The following LYN variants were observed in gnomAD, a reference collection of about 807,000 sequenced individuals.
LYN encodes the protein tyrosine-protein kinase Lyn.
In LYN, 12 loss-of-function variants were observed where a neutral mutation model predicts 65.0. That is an observed-to-expected ratio of 0.18 (90% CI 0.12 to 0.30). LYN has a LOEUF of 0.30. Among genes scored for constraint, LYN ranks in the 10% least tolerant of loss-of-function variants. LYN has a pLI of 1.00. For missense variants in LYN, 380 were observed against 623.2 expected (o/e 0.61, Z 4.16); for synonymous variants, 222 against 221.2 (o/e 1.00, Z -0.03).
At chr8:55,894,899 A>G (rs1486559294) in intron 1 of LYN, among the ~76,000 whole-genome samples, 5 of 151,874 alleles carry the variant, frequency 3.3e-5, no homozygotes, top group African/African-American at 1.2e-4. Context: ...GGCTGGTTTC[A>G]ATCTCCTGTG....
rs181131260 is a variant in LYN, at chr8:55,929,745, T to C, written c.-5-12110T>C. On this transcript the variant is annotated intron_variant, in intron 1 of 12. Coordinates refer to ENST00000519728, the MANE Select transcript of LYN (RefSeq NM_002350.4). The stretch of plus-strand genomic sequence containing the variant: ...AAGTATCCTACAATACACAGAACTG[T>C]CCTCTAGAACAAATAATTTTCTGGC... Among the ~76,000 whole-genome samples, 31 of 152,308 alleles carry C rather than the reference T, an allele frequency of 2.0e-4. No homozygotes were observed. The East Asian group carries it at 5.8e-3, about 28-fold the overall frequency.
At chr8:55,986,755 C>G (rs1461733653) in intron 10 of LYN, among the ~76,000 whole-genome samples, 3 of 152,148 alleles carry the variant, frequency 2.0e-5, no homozygotes, top group Non-Finnish European at 4.4e-5. Context: ...GACAGGATCT[C>G]TTTCTGTTGT....
chr8:55,990,195 T>C (rs928515960), intron 10 of LYN, among the ~76,000 whole-genome samples: 5 of 132,110 alleles, frequency 3.8e-5, no homozygotes, highest in African/African-American at 1.5e-4. Context: ...GCTGAGACTG[T>C]GCCACTGCAC....
intron 10 of LYN, among the ~76,000 whole-genome samples, chr8:55,971,516 G>C (rs750950688): frequency 3.9e-5 from 6 of 152,230 alleles, no homozygotes; most frequent in Non-Finnish European, 7.3e-5. Flanking sequence ...ACTTGTACAG[G>C]GCTATGGAAC....
chr8:55,889,228 A>G (rs73604850), intron 1 of LYN, among the ~76,000 whole-genome samples: 10,701 of 152,204 alleles, frequency 0.07, 1,258 homozygotes, highest in African/African-American at 0.24. Flanking sequence ...ATTTGAGCTC[A>G]GGAGTTTGAG....
chr8:55,890,089 CAA>C (rs1804909058), intron 1 of LYN, among the ~76,000 whole-genome samples: 1 of 71,062 alleles, frequency 1.4e-5, no homozygotes, highest in South Asian at 4.5e-4. Flanking sequence ...CCAGCCTGGG[CAA>C]TAAAGTGAGA....
chr8:55,959,748 G>C (rs2668019), intron 8 of LYN, among the ~76,000 whole-genome samples: 49,636 of 151,860 alleles, frequency 0.33, 8,507 homozygotes, highest in African/African-American at 0.44. Flanking sequence ...ACAAACAACT[G>C]AAATGTCCAT....
At position 55,938,464 on chromosome 8, in the gene LYN, C is replaced by T. The variant is rs534897792; in HGVS notation, c.-5-3391C>T. ...GGAATTCCTGTTGGGGACACACATT[C>T]CCATCAGGAACCTGGTCTGCTTCCT... On this transcript the variant is annotated intron_variant, in intron 1 of 12. Transcript: ENST00000519728. Among the ~76,000 whole-genome samples, 8 of 152,334 alleles carry T rather than the reference C, an allele frequency of 5.3e-5. No homozygotes were observed. The South Asian group carries it at 1.2e-3, about 24-fold the overall frequency.
At chr8:55,915,485 AC>A (rs1805755950) in intron 1 of LYN, among the ~76,000 whole-genome samples, 1 of 152,172 alleles carries the variant, frequency 6.6e-6, no homozygotes, top group Non-Finnish European at 1.5e-5. Flanking sequence ...CAGGCGGATC[AC>A]CTGAGGTCAG....
At position 55,953,945 on chromosome 8, in the gene LYN, A is replaced by C. The variant is rs143856948; in HGVS notation, c.751A>C (p.Lys251Gln). 18 of 1,614,144 alleles carry C rather than the reference A, an allele frequency of 1.1e-5. No homozygotes were observed. The African/African-American group carries it at 2.3e-4, about 20-fold the overall frequency. ...EIPRESIKLV[K>Q]RLGAGQFGEV... Reference sequence around the variant, plus strand: ...CCCCCGGGAGTCCATCAAGTTGGTGAAAAGGCTTGGCGCTGGGCAGTTTGG... The same window carrying C: ...CCCCCGGGAGTCCATCAAGTTGGTGCAAAGGCTTGGCGCTGGGCAGTTTGG... Residue 251 changes from lysine to glutamine, a missense_variant, in exon 8 of 13, where the codon AAA (lysine) becomes CAA (glutamine). Around this residue, in one of 2 missense-constraint regions of LYN, gnomAD observed 223 missense variants for 430.0 expected, o/e 0.52. Transcript: ENST00000519728.
rs1418394350 is a variant in LYN at position 56,011,367 on chromosome 8, C to T, written c.*1257C>T. 1 of 216,110 alleles carries T rather than the reference C, an allele frequency of 4.6e-6. No individual in the cohort carries two copies. Among genetic ancestry groups the T allele is most frequent in the Non-Finnish European group, 9.3e-6 (1 of 107,456 alleles). The allele number at this position is 216,110 out of a possible 1,614,324, so 13.4% of individuals were successfully genotyped here. On this transcript the variant is annotated 3_prime_UTR_variant, in exon 13 of 13. Coordinates refer to ENST00000519728, the MANE Select transcript of LYN (RefSeq NM_002350.4). The stretch of plus-strand genomic sequence containing the variant: ...CTATTTTTGATTTTATTTTAATACA[C>T]CTCGTCCAATAACATCTCAAGCTTT...
At chr8:55,941,613 C>A (rs16922459) in intron 1 of LYN, among the ~76,000 whole-genome samples, 1 of 151,992 alleles carries the variant, frequency 6.6e-6, no homozygotes, top group Non-Finnish European at 1.5e-5. Context: ...CACAAGAATA[C>A]GAGCAGAGTT....
intron 1 of LYN, among the ~76,000 whole-genome samples, chr8:55,919,615 C>T (rs1388666010): frequency 6.6e-6 from 1 of 152,036 alleles, no homozygotes; most frequent in African/African-American, 2.4e-5. Flanking sequence ...AAAAACACAC[C>T]CACAAAAAGA....
At chr8:55,915,038 G>A (rs897584041) in intron 1 of LYN, among the ~76,000 whole-genome samples, 4 of 152,288 alleles carry the variant, frequency 2.6e-5, no homozygotes, top group South Asian at 2.1e-4. Flanking sequence ...AGATTAAAAC[G>A]TTACATTTTA....
chr8:55,909,308 T>C (rs72651474), intron 1 of LYN, among the ~76,000 whole-genome samples: 18,319 of 151,928 alleles, frequency 0.12, 1,507 homozygotes, highest in Middle Eastern at 0.28. Context: ...AGTCCTGGCA[T>C]TGGGGAGAGT....
intron 1 of LYN, among the ~76,000 whole-genome samples, chr8:55,895,107 T>C (rs571514973): frequency 5.3e-4 from 80 of 152,266 alleles, no homozygotes; most frequent in South Asian, 1.2e-3. Context: ...CGTGAACCAC[T>C]GCAGCCAGCC....
At chr8:55,998,062 T>C (rs900875726) in intron 10 of LYN, among the ~76,000 whole-genome samples, 5 of 150,248 alleles carry the variant, frequency 3.3e-5, no homozygotes, top group Non-Finnish European at 7.4e-5. Flanking sequence ...CCGGCCTGGG[T>C]GAAAGAGCGA....
At chr8:56,009,790 G>C in intron 12 of LYN, 118 bp from the exon 13 acceptor site, 2 of 808,650 alleles carry the variant, frequency 2.5e-6, no homozygotes, top group South Asian at 1.7e-5. Flanking sequence ...CCTCAGTAAA[G>C]CTTGTTTCAA....
At chr8:55,995,174 C>G (rs916357237) in intron 10 of LYN, among the ~76,000 whole-genome samples, 13 of 152,132 alleles carry the variant, frequency 8.5e-5, no homozygotes, top group African/African-American at 2.2e-4. Context: ...GACGCCCTCA[C>G]CATGCCACTG....
Sources: gnomAD v4.1 joint callset for allele counts (sites outside exome capture counted in the v4.1 genomes callset) on GRCh38, gnomAD v4.1.1 for gene constraint, gnomAD v4.1.1 regional missense constraint, MANE v1.5 for transcripts, NCBI Gene and HGNC (gene_info 2026-07-23, HGNC 2026-07-21) for gene names.